The following FBXO4 variants were observed in gnomAD, a reference collection of about 807,000 sequenced individuals.
The protein encoded by FBXO4 is F-box only protein 4.
FBXO4 carries 36 observed loss-of-function variants against 43.7 expected under a neutral mutation model. The ratio of observed to expected loss-of-function variants is 0.82; its 90% CI spans 0.63 to 1.09. The LOEUF is 1.09. Among genes scored for constraint, FBXO4 ranks in the 50% least tolerant of loss-of-function variants. The pLI, the probability that FBXO4 is intolerant of heterozygous loss-of-function variation, is 0.00. For missense variants in FBXO4, 435 were observed against 474.1 expected, an observed-to-expected ratio of 0.92 and a Z score of 0.77; for synonymous variants, 180 against 165.6, an observed-to-expected ratio of 1.09 and a Z score of -0.67.
chr5:41,929,439 A>C (rs1751607633), intron 2 of FBXO4, among the ~76,000 whole-genome samples: 1 of 152,210 alleles, frequency 6.6e-6, no homozygotes, highest in South Asian at 2.1e-4. Context: ...AAAGATTAGA[A>C]AGTAAGTAAC....
chr5:42,037,545 T>C, the FBXO4 span, among the ~76,000 whole-genome samples: 2 of 152,090 alleles, frequency 1.3e-5, no homozygotes, highest in African/African-American at 4.8e-5. Flanking sequence ...CACGTCCTCA[T>C]AGTTGTTTGC....
At chr5:41,940,126 C>A (rs1336882811) in intron 6 of FBXO4, among the ~76,000 whole-genome samples, 2 of 151,870 alleles carry the variant, frequency 1.3e-5, no homozygotes, top group East Asian at 3.9e-4. Context: ...GCTGGGATTA[C>A]AGGTGTGAGC....
At chr5:42,009,240 AACT>A in the FBXO4 span, among the ~76,000 whole-genome samples, 55 of 152,076 alleles carry the variant, frequency 3.6e-4, no homozygotes, top group Admixed American at 3.5e-3. Context: ...TAATCTGTTT[AACT>A]ATCCATGTCT....
downstream of FBXO4, among the ~76,000 whole-genome samples, chr5:41,944,308 A>G (rs1296272741): frequency 2.0e-5 from 3 of 152,212 alleles, no homozygotes; most frequent in African/African-American, 7.2e-5. Context: ...GAGAAAGTAC[A>G]ATTCTCCATA....
At chr5:42,039,490 C>T in the FBXO4 span, among the ~76,000 whole-genome samples, 1 of 152,048 alleles carries the variant, frequency 6.6e-6, no homozygotes, top group African/African-American at 2.4e-5. Context: ...TGGAACTATG[C>T]ACTTCTTTCT....
the FBXO4 span, among the ~76,000 whole-genome samples, chr5:41,983,365 A>G: frequency 6.6e-6 from 1 of 152,140 alleles, no homozygotes; most frequent in Non-Finnish European, 1.5e-5. Flanking sequence ...AGGAGGGGTT[A>G]TTATGCACTT....
At chr5:42,010,866 CTCTT>C in the FBXO4 span, among the ~76,000 whole-genome samples, 7 of 152,088 alleles carry the variant, frequency 4.6e-5, no homozygotes, top group South Asian at 1.2e-3. Flanking sequence ...TTATTTTCTG[CTCTT>C]TCTTTTTCTT....
chr5:41,964,840 G>T, the FBXO4 span, among the ~76,000 whole-genome samples: 5 of 151,914 alleles, frequency 3.3e-5, no homozygotes, highest in African/African-American at 7.3e-5. Context: ...GGTTGCCTGT[G>T]CACTCTGATG....
At chr5:41,939,873 A>G (rs940413106) in intron 6 of FBXO4, among the ~76,000 whole-genome samples, 1 of 100,508 alleles carries the variant, frequency 9.9e-6, no homozygotes, top group Non-Finnish European at 1.8e-5. Flanking sequence ...TTGTTGAGAC[A>G]GGGTCTCACT....
the FBXO4 span, among the ~76,000 whole-genome samples, chr5:41,955,975 G>T: frequency 6.6e-6 from 1 of 152,048 alleles, no homozygotes; most frequent in East Asian, 1.9e-4. Flanking sequence ...ATGGATTAAA[G>T]TTTTTCTAAT....
At position 41,935,645 on chromosome 5, in the gene FBXO4, G is replaced by T. The variant is rs142666742; in HGVS notation, c.898+1337G>T. ...AGGGCAGAATTCAGCAGTCATGCTG[G>T]AACACTGAGAAAGCCTGCAGCACTG... On this transcript the variant is annotated intron_variant, in intron 5 of 6. Transcript: ENST00000281623. Among the ~76,000 whole-genome samples, 3 of 152,320 alleles carry T rather than the reference G, an allele frequency of 2.0e-5. No homozygotes were observed. The East Asian group carries it at 5.8e-4, about 29-fold the overall frequency.
the FBXO4 span, among the ~76,000 whole-genome samples, chr5:41,999,492 T>TATATAC: frequency 3.8e-5 from 2 of 52,656 alleles, no homozygotes; most frequent in African/African-American, 8.6e-5. Context: ...TATATATATA[T>TATATAC]ACATATATAT....
At chr5:41,944,501 A>C (rs918024085), downstream of FBXO4, among the ~76,000 whole-genome samples, 6 of 152,216 alleles carry the variant, frequency 3.9e-5, no homozygotes, top group African/African-American at 1.4e-4. Context: ...AGTGTTTGTG[A>C]AATTATGATT....
the FBXO4 span, among the ~76,000 whole-genome samples, chr5:41,999,622 G>A: frequency 7.5e-5 from 11 of 146,524 alleles, no homozygotes; most frequent in African/African-American, 2.5e-4. Flanking sequence ...TCCCACAATA[G>A]GCTGTCTGCA....
At chr5:41,990,326 CT>C in the FBXO4 span, among the ~76,000 whole-genome samples, 5 of 152,290 alleles carry the variant, frequency 3.3e-5, no homozygotes, top group East Asian at 9.6e-4. Context: ...GGTGGGCAAT[CT>C]ATCAGACATT....
chr5:41,987,575 A>G, the FBXO4 span, among the ~76,000 whole-genome samples: 1 of 152,218 alleles, frequency 6.6e-6, no homozygotes, highest in Non-Finnish European at 1.5e-5. Context: ...CCTGAAATTT[A>G]CACAAGCCTG....
the FBXO4 span, among the ~76,000 whole-genome samples, chr5:41,949,224 C>G: frequency 6.6e-6 from 1 of 152,018 alleles, no homozygotes; most frequent in African/African-American, 2.4e-5. Context: ...GGCAATCAGG[C>G]AAGAGAAAGA....
At chr5:42,016,623 G>T in the FBXO4 span, among the ~76,000 whole-genome samples, 2 of 151,860 alleles carry the variant, frequency 1.3e-5, no homozygotes, top group African/African-American at 4.8e-5. Context: ...TCAGCAACTT[G>T]TTAAAATGTT....
chr5:41,949,158 CA>C, the FBXO4 span, among the ~76,000 whole-genome samples: 1 of 152,136 alleles, frequency 6.6e-6, no homozygotes, highest in Admixed American at 6.5e-5. Flanking sequence ...AGGCATAAGA[CA>C]AGGATGCCCT....
Sources: gnomAD v4.1 joint callset for allele counts (sites outside exome capture counted in the v4.1 genomes callset) on GRCh38, gnomAD v4.1.1 for gene constraint, MANE v1.5 for transcripts, NCBI Gene and HGNC (gene_info 2026-07-23, HGNC 2026-07-21) for gene names.